VAV3: variants seen among roughly 807,000 people sequenced by gnomAD.
VAV3 encodes the protein guanine nucleotide exchange factor VAV3.
A neutral mutation model predicts 131.2 loss-of-function variants in VAV3; 94 were observed. The ratio of observed to expected loss-of-function variants is 0.72; its 90% CI spans 0.61 to 0.85. The LOEUF (loss-of-function observed/expected upper bound fraction) is 0.85, where lower values mean the gene tolerates loss of function less well. Ranked by LOEUF, VAV3 falls within the 40% of genes least tolerant of loss-of-function variation. The pLI, the probability that VAV3 is intolerant of heterozygous loss-of-function variation, is 0.00. For missense variants in VAV3, 939 were observed against 1,002.7 expected (o/e 0.94, Z 0.86); for synonymous variants, 349 against 342.0 (o/e 1.02, Z -0.22).
chr1:107,775,675 T>C (rs1003348163), intron 4 of VAV3, among the ~76,000 whole-genome samples: 1 of 151,096 alleles, frequency 6.6e-6, no homozygotes, highest in Non-Finnish European at 1.5e-5. Context: ...ATAATCTTAG[T>C]CACTTTATGA....
intron 2 of VAV3, among the ~76,000 whole-genome samples, chr1:107,839,838 A>G (rs1668617391): frequency 6.6e-6 from 1 of 152,172 alleles, no homozygotes; most frequent in South Asian, 2.1e-4. Flanking sequence ...AATAAAGGAG[A>G]GATCATTACT....
At chr1:107,809,598 A>C (rs573209472) in intron 2 of VAV3, among the ~76,000 whole-genome samples, 1 of 147,654 alleles carries the variant, frequency 6.8e-6, no homozygotes, top group East Asian at 2.1e-4. Context: ...ACATTAAGGG[A>C]AAGGACCAGA....
intron 9 of VAV3, 131 bp downstream of exon 9, chr1:107,764,941 TTAAA>T: frequency 1.6e-6 from 1 of 608,504 alleles, no homozygotes; most frequent in Non-Finnish European, 2.8e-6. Context: ...ATAGAGCTGT[TTAAA>T]TATTTTATAA....
intron 2 of VAV3, among the ~76,000 whole-genome samples, chr1:107,805,153 G>T (rs1667007306): frequency 6.6e-6 from 1 of 152,078 alleles, no homozygotes; most frequent in African/African-American, 2.4e-5. Flanking sequence ...TATTGGGGTT[G>T]AATCTGTTTG....
intron 2 of VAV3, among the ~76,000 whole-genome samples, chr1:107,830,579 T>C (rs1668205006): frequency 6.6e-6 from 1 of 152,152 alleles, no homozygotes; most frequent in African/African-American, 2.4e-5. Context: ...CCCTCCAGCA[T>C]GACCCTATAA....
intron 15 of VAV3, among the ~76,000 whole-genome samples, chr1:107,743,128 T>C (rs1283442529): frequency 2.0e-5 from 3 of 151,960 alleles, no homozygotes; most frequent in South Asian, 2.1e-4. Flanking sequence ...GCTGGAAAGA[T>C]GGGTGGGATA....
chr1:107,896,047 G>A (rs1671556461), intron 1 of VAV3, among the ~76,000 whole-genome samples: 1 of 152,056 alleles, frequency 6.6e-6, no homozygotes, highest in Non-Finnish European at 1.5e-5. Flanking sequence ...TGCCAGAGGT[G>A]CTGCCACACA....
chr1:107,878,700 G>A (rs753212406), intron 1 of VAV3, among the ~76,000 whole-genome samples: 1 of 152,098 alleles, frequency 6.6e-6, no homozygotes, highest in Admixed American at 6.6e-5. Context: ...CATCATTACT[G>A]AGGCTAAACT....
chr1:107,925,073 T>G (rs1004552630), intron 1 of VAV3, among the ~76,000 whole-genome samples: 4 of 152,228 alleles, frequency 2.6e-5, no homozygotes, highest in Non-Finnish European at 5.9e-5. Flanking sequence ...TGGGACAATG[T>G]GGATATGTCT....
intron 20 of VAV3, among the ~76,000 whole-genome samples, chr1:107,622,004 A>C (rs1653643680): frequency 6.6e-6 from 1 of 152,172 alleles, no homozygotes; most frequent in South Asian, 2.1e-4. Context: ...TAAGAAAAAA[A>C]TGCACCTGTA....
At chr1:107,758,466 G>A (rs371343756) in intron 10 of VAV3, among the ~76,000 whole-genome samples, 5 of 152,246 alleles carry the variant, frequency 3.3e-5, no homozygotes, top group African/African-American at 1.2e-4. Context: ...CAGCTACTTG[G>A]GAGGCTAAGG....
chr1:107,590,806 G>A (rs1570571794), intron 25 of VAV3, among the ~76,000 whole-genome samples: 3 of 152,220 alleles, frequency 2.0e-5, no homozygotes, highest in Middle Eastern at 6.8e-3. Context: ...CTTCTCTGCT[G>A]TCACTATGCA....
chr1:107,887,378 G>C (rs558441039), intron 1 of VAV3, among the ~76,000 whole-genome samples: 2 of 152,278 alleles, frequency 1.3e-5, no homozygotes, highest in African/African-American at 4.8e-5. Flanking sequence ...ATAAATAAAT[G>C]TAATCTGATT....
chr1:107,704,878 G>T, intron 16 of VAV3, 82 bp downstream of exon 16: 4 of 1,383,462 alleles, frequency 2.9e-6, no homozygotes, highest in Non-Finnish European at 4.1e-6. Context: ...AGAACCTATT[G>T]GCTAGAAGGT....
At chr1:107,757,187 G>GTATA (rs60699898) in intron 11 of VAV3, 74 bp downstream of exon 11, 15,663 of 811,378 alleles carry the variant, frequency 0.019, 428 homozygotes, top group African/African-American at 0.06. Flanking sequence ...GTGTGTGTGT[G>GTATA]TATGCAATTT....
chr1:107,959,931 G>A, intron 1 of VAV3, among the ~76,000 whole-genome samples: 1 of 152,070 alleles, frequency 6.6e-6, no homozygotes, highest in South Asian at 2.1e-4. Context: ...GTTTCTCAGG[G>A]CAAAAATTCT....
At position 107,749,073 on chromosome 1, in the gene VAV3, G is replaced by A. The variant is rs17229654; in HGVS notation, c.1397C>T (p.Ser466Phe). 8.1e-4 allele frequency: 1,284 copies of A among 1,586,360 alleles called. 1 individual carries two copies. The highest frequency in any genetic ancestry group is 6.8e-4 in the Non-Finnish European group (796 of 1,163,030). Residue 466 changes from serine (S) to phenylalanine (F), a missense_variant, in exon 15 of 27, where the codon TCT (serine) becomes TTT (phenylalanine). Coordinates refer to ENST00000370056, the MANE Select transcript of VAV3 (RefSeq NM_006113.5). ...GGTATGGATGAGGTAGAAGCCATAA[G>A]ACCACTGTTAAAATTAATATTCCTT... ...PTTDKENKKW[S>F]YGFYLIHTQG...
At chr1:107,671,785 A>AG (rs915679027) in intron 19 of VAV3, among the ~76,000 whole-genome samples, 1 of 151,788 alleles carries the variant, frequency 6.6e-6, no homozygotes, top group African/African-American at 2.4e-5. Flanking sequence ...ACCAAAAAAA[A>AG]CAAAACAAAA....
In VAV3 at chr1:107,777,289, G is replaced by T; in HGVS notation, c.388C>A (p.Pro130Thr). ...TCATCATTAATGCTTTCTTCTGTTG[G>T]GAAGGGCCTAGGAAGAGGAGAAAAA... ...IALATGIRPF[P>T]TEESINDEDI... The change falls in exon 4 of 27, where the codon CCA (proline) becomes ACA (threonine). Residue 130 changes from proline to threonine, a missense_variant. Pro to Thr is a conservative substitution (Grantham distance 38, BLOSUM62 -1). Transcript: ENST00000370056. 3 of 1,613,864 alleles carry T rather than the reference G, an allele frequency of 1.9e-6. No individual in the cohort carries two copies. The highest frequency in any genetic ancestry group is 2.2e-5 in the South Asian group (2 of 91,076).
Sources: allele counts gnomAD v4.1 joint callset (sites outside exome capture counted in the v4.1 genomes callset), GRCh38; gene constraint gnomAD v4.1.1; transcripts MANE v1.5; gene names NCBI Gene and HGNC (gene_info 2026-07-23, HGNC 2026-07-21).